The following PDE3A variants were observed in gnomAD, a reference collection of about 807,000 sequenced individuals.
The protein encoded by PDE3A is phosphodiesterase 3A, also known as cGMP-inhibited 3',5'-cyclic phosphodiesterase 3A.
A neutral mutation model predicts 98.3 loss-of-function variants in PDE3A; 43 were observed. The ratio of observed to expected loss-of-function variants is 0.44; its 90% CI spans 0.34 to 0.56. PDE3A has a LOEUF of 0.56. PDE3A is among the 20% of genes least tolerant of loss of function. The pLI, the probability that PDE3A is intolerant of heterozygous loss-of-function variation, is 0.01. For missense variants in PDE3A, 1,427 were observed against 1,440.7 expected, an observed-to-expected ratio of 0.99 and a Z score of 0.15; for synonymous variants, 663 against 567.9, an observed-to-expected ratio of 1.17 and a Z score of -2.38.
At position 20,541,075 on chromosome 12, in the gene PDE3A, C is replaced by CTTTTTTTT. The variant is rs777927679; in HGVS notation, c.961-15553_961-15546dup. On this transcript the variant is annotated intron_variant, in intron 1 of 15. Transcript: ENST00000359062. ...AATTGACAAGGACATTGGTAACTTTCTTTTTTTTTTTTTTTTTTTTTTTTT... is the reference window on the plus strand; with the variant it reads ...AATTGACAAGGACATTGGTAACTTTCTTTTTTTTTTTTTTTTTTTTTTTTTTTTTTTTT... Among the ~76,000 whole-genome samples, 52 of 52,984 alleles carry CTTTTTTTT rather than the reference C, an allele frequency of 9.8e-4. 11 individuals carry two copies. The highest frequency in any genetic ancestry group is 1.5e-3 in the East Asian group (2 of 1,294). The allele number at this position is 52,984 out of a possible 152,430, so 34.8% of individuals were successfully genotyped here.
chr12:20,526,932 GTT>G (rs1946534927), intron 1 of PDE3A, among the ~76,000 whole-genome samples: 1 of 136,096 alleles, frequency 7.3e-6, no homozygotes, highest in Non-Finnish European at 1.6e-5. Flanking sequence ...GTGTGTGTGT[GTT>G]TGAGACCAAG....
rs7966459 is a variant in PDE3A, at chr12:20,572,054, G to A, written c.1011+15344G>A. Reference sequence around the variant, plus strand: ...GGAGTTGCAATCAGTATTCATGAAAGCATGTTTTTAAAAAAATGAGAATCA... The same window carrying A: ...GGAGTTGCAATCAGTATTCATGAAAACATGTTTTTAAAAAAATGAGAATCA... On this transcript the variant is annotated intron_variant, in intron 2 of 15. Transcript: ENST00000359062. 294,923 of 1,188,636 alleles carry A rather than the reference G, an allele frequency of 0.25. 38,254 individuals are homozygous for A. Among genetic ancestry groups the A allele is most frequent in the South Asian group, 0.35 (22,065 of 62,850 alleles). The allele number at this position is 1,188,636 out of a possible 1,614,324, so 73.6% of individuals were successfully genotyped here.
rs115455471 is a variant in PDE3A at position 20,452,200 on chromosome 12, C to T, written c.960+81956C>T. Among the ~76,000 whole-genome samples, 267 of 152,308 alleles carry T rather than the reference C, an allele frequency of 1.8e-3. 3 individuals are homozygous for T. Among genetic ancestry groups the T allele is most frequent in the African/African-American group, 5.9e-3 (246 of 41,570 alleles). ...TCTCATCATGGTTCATATAGTCTAA[C>T]GCGTGCAGATGCAAGATTAGTCTCT... On this transcript the variant is annotated intron_variant, in intron 1 of 15. Transcript: ENST00000359062.
chr12:20,685,330 A>C lies in PDE3A; in HGVS notation c.*5059A>C, dbSNP rs1945927689. ...AGGAGGCTGAGGCAGAATCGCTTGA[A>C]CCTGGGAGGCAGAGGTTATGGTGAG... On this transcript the variant is annotated 3_prime_UTR_variant, in exon 16 of 16. Coordinates refer to ENST00000359062, the MANE Select transcript of PDE3A (RefSeq NM_000921.5). 6.9e-6 allele frequency among the ~76,000 whole-genome samples: 1 copy of C among 145,056 alleles called. No homozygotes were observed. Among genetic ancestry groups the C allele is most frequent in the South Asian group, 2.2e-4 (1 of 4,636 alleles).
At chr12:20,518,169 G>T (rs1294823127) in intron 1 of PDE3A, among the ~76,000 whole-genome samples, 2 of 152,186 alleles carry the variant, frequency 1.3e-5, no homozygotes, top group Non-Finnish European at 2.9e-5. Flanking sequence ...TTGCTCCAGT[G>T]CTTCAGAAAG....
At chr12:20,605,655 A>C (rs918301960) in intron 2 of PDE3A, among the ~76,000 whole-genome samples, 12 of 152,174 alleles carry the variant, frequency 7.9e-5, no homozygotes, top group Admixed American at 3.9e-4. Context: ...GCCTATAAGG[A>C]AACCTGTAGG....
intron 1 of PDE3A, among the ~76,000 whole-genome samples, chr12:20,536,228 G>A (rs1239175776): frequency 6.6e-6 from 1 of 152,026 alleles, no homozygotes; most frequent in Non-Finnish European, 1.5e-5. Context: ...AAAGAAGTTA[G>A]TTATAATTCC....
intron 2 of PDE3A, among the ~76,000 whole-genome samples, chr12:20,605,473 T>C (rs1444244466): frequency 1.3e-5 from 2 of 152,062 alleles, no homozygotes; most frequent in African/African-American, 4.8e-5. Context: ...GATGCCAAGA[T>C]GTAATTTTAA....
intron 1 of PDE3A, among the ~76,000 whole-genome samples, chr12:20,555,236 A>G (rs916981494): frequency 7.9e-5 from 12 of 151,950 alleles, no homozygotes; most frequent in East Asian, 1.9e-4. Context: ...CTGGTCTCGA[A>G]CTCCTCACCA....
Position 20,369,384 on chromosome 12 carries a change from G to T in PDE3A, c.100G>T (p.Asp34Tyr), listed in dbSNP as rs1391129042. 6.4e-7 allele frequency: 1 copy of T among 1,550,556 alleles called. No individual in the cohort carries two copies. Among genetic ancestry groups the T allele is most frequent in the Non-Finnish European group, 8.7e-7 (1 of 1,147,638 alleles). ...TAGRDCHHRA[D>Y]PASPRDSGCR... The stretch of plus-strand genomic sequence containing the variant: ...GGGCCGGGACTGCCACCATCGTGCG[G>T]ACCCCGCATCGCCGCGGGACTCGGG... The change falls in exon 1 of 16, where the codon GAC becomes TAC. Residue 34 changes from aspartate (D) to tyrosine (Y), a missense_variant. Physicochemically the swap from Asp to Tyr is radical, Grantham distance 160 (BLOSUM62 -3). Around this residue, in one of 3 missense-constraint regions of PDE3A, gnomAD observed 1,012 missense variants for 886.5 expected, o/e 1.14. Coordinates refer to ENST00000359062, the MANE Select transcript of PDE3A (RefSeq NM_000921.5).
chr12:20,634,821 T>C, intron 7 of PDE3A, 81 bp from the exon 8 acceptor site: 4 of 910,132 alleles, frequency 4.4e-6, no homozygotes, highest in South Asian at 1.3e-5. Context: ...ATTTACCATA[T>C]GCATCTTAGC....
Position 20,545,784 on chromosome 12 carries a change from A to AAAC in PDE3A, c.961-10874_961-10873insCAA, listed in dbSNP as rs757296899. Among the ~76,000 whole-genome samples, 12 of 132,476 alleles carry AAAC rather than the reference A, an allele frequency of 9.1e-5. No homozygotes were observed. In the South Asian group the frequency reaches 1.2e-3, roughly 13 times the overall value. The allele number at this position is 132,476 out of a possible 152,430, so 86.9% of individuals were successfully genotyped here. A position where few individuals can be genotyped will look rare whatever the true frequency, so the allele number is the denominator to read the frequency against. ...GCAAGAGGTAGTGGCTGCCAAAAAA[A>AAAC]AAAAAACAAAACAAAACAAAACAAA... On this transcript the variant is annotated intron_variant, in intron 1 of 15. Transcript: ENST00000359062.
At chr12:20,401,326 A>T (rs948443075) in intron 1 of PDE3A, among the ~76,000 whole-genome samples, 9 of 152,190 alleles carry the variant, frequency 5.9e-5, no homozygotes, top group African/African-American at 1.9e-4. Flanking sequence ...TTAATATTTA[A>T]TCATGTAAAT....
intron 1 of PDE3A, among the ~76,000 whole-genome samples, chr12:20,525,164 T>C (rs1946493659): frequency 6.6e-6 from 1 of 152,124 alleles, no homozygotes; most frequent in South Asian, 2.1e-4. Flanking sequence ...ACATTACTGC[T>C]CCGGAGCCTT....
chr12:20,438,299 C>T (rs2120830774), intron 1 of PDE3A, among the ~76,000 whole-genome samples: 1 of 152,210 alleles, frequency 6.6e-6, no homozygotes, highest in Non-Finnish European at 1.5e-5. Flanking sequence ...AGGCTTTAAC[C>T]ACATGGTAAT....
At chr12:20,417,594 A>G (rs1412132782) in intron 1 of PDE3A, among the ~76,000 whole-genome samples, 1 of 152,234 alleles carries the variant, frequency 6.6e-6, no homozygotes, top group Non-Finnish European at 1.5e-5. Flanking sequence ...TCATCCACCC[A>G]GATCTAGCCA....
At chr12:20,625,845 G>C (rs116408349) in intron 5 of PDE3A, among the ~76,000 whole-genome samples, 4,082 of 152,014 alleles carry the variant, frequency 0.027, 187 homozygotes, top group African/African-American at 0.093. Flanking sequence ...TTAATTTTTT[G>C]TTTTTAAATG....
intron 15 of PDE3A, among the ~76,000 whole-genome samples, chr12:20,666,668 C>T (rs994214635): frequency 6.6e-6 from 1 of 152,106 alleles, no homozygotes; most frequent in African/African-American, 2.4e-5. Context: ...TTTTCTTTAT[C>T]CATTCATCAG....
intron 1 of PDE3A, among the ~76,000 whole-genome samples, chr12:20,391,785 T>G: frequency 6.6e-6 from 1 of 151,828 alleles, no homozygotes; most frequent in Non-Finnish European, 1.5e-5. Flanking sequence ...CCTTTTCCCC[T>G]CCTCTCTGTT....
Sources: allele counts gnomAD v4.1 joint callset (sites outside exome capture counted in the v4.1 genomes callset), GRCh38; gene constraint gnomAD v4.1.1; regional missense constraint gnomAD v4.1.1; transcripts MANE v1.5; gene names NCBI Gene and HGNC (gene_info 2026-07-23, HGNC 2026-07-21).